The following LUZP2 variants were observed in gnomAD, a reference collection of about 807,000 sequenced individuals.
LUZP2 encodes leucine zipper protein 2.
LUZP2 carries 52 observed loss-of-function variants against 51.6 expected under a neutral mutation model. That is an observed-to-expected ratio of 1.01 (90% confidence interval 0.81 to 1.27). The LOEUF is 1.27. Ranked by LOEUF, LUZP2 falls within the 50% of genes most tolerant of loss-of-function variation. The pLI, the probability that LUZP2 is intolerant of heterozygous loss-of-function variation, is 0.00. For missense variants in LUZP2, 436 were observed against 395.4 expected, an observed-to-expected ratio of 1.10 and a Z score of -0.87; for synonymous variants, 154 against 137.3, an observed-to-expected ratio of 1.12 and a Z score of -0.85.
In LUZP2 at chr11:24,716,755, G is replaced by A. The variant is rs138962604; in HGVS notation, c.63-12414G>A. Among the ~76,000 whole-genome samples, 10 of 152,190 alleles carry A rather than the reference G, an allele frequency of 6.6e-5. No individual in the cohort carries two copies. The East Asian group carries it at 1.2e-3, about 18-fold the overall frequency. ...TACTAAAAATACAAAAATGTTCTGG[G>A]CATGATGGCAGGCAACTGTAATCCC... is the stretch of plus-strand genomic sequence containing the variant. On this transcript the variant is annotated intron_variant, in intron 1 of 11. Coordinates refer to ENST00000336930, the MANE Select transcript of LUZP2 (RefSeq NM_001009909.4).
intron 1 of LUZP2, among the ~76,000 whole-genome samples, chr11:24,558,951 A>AT (rs1851951937): frequency 1.3e-5 from 2 of 152,156 alleles, no homozygotes; most frequent in Non-Finnish European, 2.9e-5. Context: ...AGGCTCTGAT[A>AT]TTTTTTAGCA....
At chr11:24,912,281 C>G (rs551715539) in intron 6 of LUZP2, among the ~76,000 whole-genome samples, 1 of 142,060 alleles carries the variant, frequency 7.0e-6, no homozygotes, top group South Asian at 2.3e-4. Flanking sequence ...TCTTTTTGTT[C>G]TTTCTTGTTA....
intron 5 of LUZP2, among the ~76,000 whole-genome samples, chr11:24,816,233 C>CT (rs1470973683): frequency 6.6e-6 from 1 of 151,920 alleles, no homozygotes; most frequent in Admixed American, 6.6e-5. Flanking sequence ...CTCTGTGAGG[C>CT]TTTTTTTCCT....
chr11:24,845,304 T>G (rs922157813), intron 5 of LUZP2, among the ~76,000 whole-genome samples: 1 of 152,236 alleles, frequency 6.6e-6, no homozygotes, highest in African/African-American at 2.4e-5. Flanking sequence ...ATTTCAGATT[T>G]GCATGAGACT....
At chr11:24,842,218 T>C (rs561328704) in intron 5 of LUZP2, among the ~76,000 whole-genome samples, 27 of 149,166 alleles carry the variant, frequency 1.8e-4, no homozygotes, top group Admixed American at 3.4e-4. Context: ...TATATTTATA[T>C]TATTAGTTCA....
chr11:24,860,801 G>A (rs985891612), intron 5 of LUZP2, among the ~76,000 whole-genome samples: 1 of 151,924 alleles, frequency 6.6e-6, no homozygotes, highest in Non-Finnish European at 1.5e-5. Context: ...CCTCCCCAAG[G>A]GTCAGCAGCC....
chr11:24,895,765 G>GCCAT (rs1853022405), intron 5 of LUZP2, among the ~76,000 whole-genome samples: 1 of 152,178 alleles, frequency 6.6e-6, no homozygotes, highest in South Asian at 2.1e-4. Flanking sequence ...CTAAGATGAT[G>GCCAT]CCATGTCTTT....
chr11:24,566,194 C>T (rs911628983), intron 1 of LUZP2, among the ~76,000 whole-genome samples: 20 of 151,132 alleles, frequency 1.3e-4, no homozygotes, highest in African/African-American at 3.6e-4. Flanking sequence ...ATTAGAAATA[C>T]GTTAATATAA....
chr11:24,934,273 G>T (rs951116534), intron 7 of LUZP2, among the ~76,000 whole-genome samples: 1 of 152,178 alleles, frequency 6.6e-6, no homozygotes, highest in Non-Finnish European at 1.5e-5. Context: ...TCGGAGGCCT[G>T]ACACATACAT....
At chr11:24,814,809 G>A (rs572052867) in intron 5 of LUZP2, among the ~76,000 whole-genome samples, 3 of 152,100 alleles carry the variant, frequency 2.0e-5, no homozygotes, top group South Asian at 2.1e-4. Flanking sequence ...TAGCTAACAC[G>A]GTGAAACCCC....
chr11:24,897,516 G>A (rs1179420380), intron 5 of LUZP2, among the ~76,000 whole-genome samples: 2 of 151,852 alleles, frequency 1.3e-5, no homozygotes, highest in East Asian at 1.9e-4. Context: ...CTCCCGAGGC[G>A]CTGCATTAAG....
intron 1 of LUZP2, among the ~76,000 whole-genome samples, chr11:24,666,722 G>A (rs1253426544): frequency 1.3e-5 from 2 of 152,176 alleles, no homozygotes; most frequent in East Asian, 3.9e-4. Context: ...AGTACCCACA[G>A]AAAGAGAGTT....
chr11:24,923,706 T>TC lies in LUZP2; in HGVS notation c.522+9172dup, dbSNP rs1039332384. ...GAGAAAAAAAGACAGGCTACAAACTTCCCCAGGGTGCTCCCTCTCAATGTG... is the reference window on the plus strand; with the variant it reads ...GAGAAAAAAAGACAGGCTACAAACTTCCCCCAGGGTGCTCCCTCTCAATGTG... On this transcript the variant is annotated intron_variant, in intron 7 of 11. Transcript: ENST00000336930. 4.6e-5 allele frequency among the ~76,000 whole-genome samples: 7 copies of TC among 151,756 alleles called. No homozygotes were observed. In the East Asian group the frequency reaches 1.2e-3, roughly 25 times the overall value.
intron 1 of LUZP2, among the ~76,000 whole-genome samples, chr11:24,616,469 GTGCGCA>G (rs1171001462): frequency 5.4e-5 from 4 of 74,526 alleles, no homozygotes; most frequent in South Asian, 4.1e-4. Context: ...GGTATTTGGC[GTGCGCA>G]TGTGTGTGTG....
chr11:24,976,319 T>C (rs1855879441), intron 7 of LUZP2, among the ~76,000 whole-genome samples: 1 of 151,918 alleles, frequency 6.6e-6, no homozygotes, highest in South Asian at 2.1e-4. Flanking sequence ...GGGACTTGAG[T>C]TGGGTCCTTG....
intron 3 of LUZP2, among the ~76,000 whole-genome samples, chr11:24,733,809 A>G (rs1253625284): frequency 6.6e-6 from 1 of 151,780 alleles, no homozygotes; most frequent in Non-Finnish European, 1.5e-5. Context: ...CTTTATTTTT[A>G]TAGAGTATCT....
intron 1 of LUZP2, among the ~76,000 whole-genome samples, chr11:24,568,112 A>T (rs1338512075): frequency 6.6e-6 from 1 of 152,186 alleles, no homozygotes; most frequent in Non-Finnish European, 1.5e-5. Flanking sequence ...AATTAAAAAG[A>T]TGGAATATGT....
chr11:24,824,736 T>C (rs1850474890), intron 5 of LUZP2, among the ~76,000 whole-genome samples: 1 of 152,114 alleles, frequency 6.6e-6, no homozygotes, highest in Admixed American at 6.6e-5. Context: ...TTCTTAGAAA[T>C]TAAAAATATG....
At chr11:24,925,504 T>G (rs904906639) in intron 7 of LUZP2, among the ~76,000 whole-genome samples, 4 of 152,252 alleles carry the variant, frequency 2.6e-5, no homozygotes, top group African/African-American at 9.6e-5. Flanking sequence ...TTTGTAGCCT[T>G]ATTCCTTGCA....
Sources: gnomAD v4.1 joint callset for allele counts (sites outside exome capture counted in the v4.1 genomes callset) on GRCh38, gnomAD v4.1.1 for gene constraint, MANE v1.5 for transcripts, NCBI Gene and HGNC (gene_info 2026-07-23, HGNC 2026-07-21) for gene names.